Variants in CADPS observed in about 807,000 individuals in gnomAD.
CADPS encodes calcium dependent secretion activator, also known as calcium-dependent secretion activator 1.
A neutral mutation model predicts 167.3 loss-of-function variants in CADPS; 57 were observed. That is an observed-to-expected ratio of 0.34 (90% confidence interval 0.28 to 0.42). CADPS has a LOEUF of 0.42. Ranked by LOEUF, CADPS falls within the 20% of genes least tolerant of loss-of-function variation. CADPS has a pLI of 1.00. For synonymous variants in CADPS, 676 were observed against 635.3 expected, an observed-to-expected ratio of 1.06 and a Z score of -0.96; for missense variants, 1,414 against 1,738.1, an observed-to-expected ratio of 0.81 and a Z score of 3.32.
At chr3:62,488,136 C>T (rs1349561691) in intron 21 of CADPS, among the ~76,000 whole-genome samples, 1 of 152,126 alleles carries the variant, frequency 6.6e-6, no homozygotes, top group Non-Finnish European at 1.5e-5. Context: ...AATCTATTTA[C>T]CTAAGTTAGT....
chr3:62,511,316 C>T (rs148326295), intron 17 of CADPS, among the ~76,000 whole-genome samples: 115 of 152,234 alleles, frequency 7.6e-4, no homozygotes, highest in African/African-American at 1.9e-3. Flanking sequence ...TTTGCAGCTA[C>T]GTTGAATTAA....
intron 8 of CADPS, among the ~76,000 whole-genome samples, chr3:62,581,345 T>C (rs2083395017): frequency 6.6e-6 from 1 of 152,098 alleles, no homozygotes; most frequent in Non-Finnish European, 1.5e-5. Flanking sequence ...TAACTTATTT[T>C]TCTTCTATTA....
Position 62,835,665 on chromosome 3 carries a change from C to T in CADPS, c.441+38924G>A, listed in dbSNP as rs542495567. Among the ~76,000 whole-genome samples, 87 of 152,190 alleles carry T rather than the reference C, an allele frequency of 5.7e-4. 1 individual carries two copies. The South Asian group carries it at 0.011, about 19-fold the overall frequency. On this transcript the variant is annotated intron_variant, in intron 1 of 29. Coordinates refer to ENST00000383710, the MANE Select transcript of CADPS (RefSeq NM_003716.4). ...CTCAAAGAGGGGACGTGGCAAATCA[C>T]AGAAGGGGCAAAAATTGAGCTGCGT... is the stretch of plus-strand genomic sequence containing the variant.
At chr3:62,563,900 C>T (rs971351973) in intron 9 of CADPS, among the ~76,000 whole-genome samples, 5 of 152,054 alleles carry the variant, frequency 3.3e-5, no homozygotes, top group African/African-American at 7.2e-5. Context: ...AGTAGTATTC[C>T]ATCATATATA....
At chr3:62,672,120 A>G (rs2075637624) in intron 3 of CADPS, among the ~76,000 whole-genome samples, 2 of 152,124 alleles carry the variant, frequency 1.3e-5, no homozygotes, top group Admixed American at 6.5e-5. Context: ...ACGTGCAGCC[A>G]GGATTGAAAA....
chr3:62,838,468 C>T (rs1042237422), intron 1 of CADPS, among the ~76,000 whole-genome samples: 1 of 152,116 alleles, frequency 6.6e-6, no homozygotes, highest in African/African-American at 2.4e-5. Flanking sequence ...AGGATTCTTA[C>T]ACAGTTTTTA....
rs996710632 is a variant in CADPS at position 62,626,195 on chromosome 3, G to A, written c.1325+19527C>T. On this transcript the variant is annotated intron_variant, in intron 6 of 29. Coordinates refer to ENST00000383710, the MANE Select transcript of CADPS (RefSeq NM_003716.4). The stretch of plus-strand genomic sequence containing the variant: ...TGGTATCCCCATTAAGAATTAACAC[G>A]TTCACTTGACATTTCATTCCGGTCA... 2.9e-5 allele frequency: 6 copies of A among 206,668 alleles called. No homozygotes were observed. The South Asian group carries it at 4.4e-4, about 15-fold the overall frequency. The allele number at this position is 206,668 out of a possible 1,614,324, so 12.8% of individuals were successfully genotyped here.
intron 1 of CADPS, among the ~76,000 whole-genome samples, chr3:62,863,050 A>AT (rs1215679079): frequency 1.3e-5 from 2 of 152,252 alleles, no homozygotes; most frequent in African/African-American, 4.8e-5. Context: ...GTTATGAACC[A>AT]ACAATCATGA....
At chr3:62,621,875 A>G (rs1033935821) in intron 6 of CADPS, among the ~76,000 whole-genome samples, 1 of 148,602 alleles carries the variant, frequency 6.7e-6, no homozygotes, top group African/African-American at 2.5e-5. Flanking sequence ...TTTGCTGAAG[A>G]TAAAGGCAGT....
intron 13 of CADPS, 144 bp downstream of exon 13, chr3:62,532,722 TGTGTG>T: frequency 2.5e-5 from 2 of 79,174 alleles, no homozygotes; most frequent in Non-Finnish European, 2.3e-5. Context: ...GCCCTTTGTG[TGTGTG>T]TGTGTGTGTG....
At chr3:62,526,971 A>G (rs1373658315) in intron 13 of CADPS, among the ~76,000 whole-genome samples, 1 of 152,200 alleles carries the variant, frequency 6.6e-6, no homozygotes, top group African/African-American at 2.4e-5. Flanking sequence ...TGTATGATCT[A>G]AAGACCAAAT....
intron 18 of CADPS, among the ~76,000 whole-genome samples, chr3:62,496,934 C>G (rs2064902456): frequency 6.6e-6 from 1 of 152,088 alleles, no homozygotes; most frequent in South Asian, 2.1e-4. Context: ...GTACATTTAT[C>G]TAAAAGAAAA....
chr3:62,684,517 G>T (rs2077650417), intron 3 of CADPS, among the ~76,000 whole-genome samples: 1 of 152,116 alleles, frequency 6.6e-6, no homozygotes, highest in South Asian at 2.1e-4. Flanking sequence ...ACTGTTACTG[G>T]GGAAAGAAAG....
intron 3 of CADPS, among the ~76,000 whole-genome samples, chr3:62,736,921 G>A (rs1055250524): frequency 6.6e-6 from 1 of 151,894 alleles, no homozygotes; most frequent in Non-Finnish European, 1.5e-5. Flanking sequence ...GGTTAATTGC[G>A]AGGTTAGGAG....
At chr3:62,688,424 A>G (rs914499960) in intron 3 of CADPS, among the ~76,000 whole-genome samples, 7 of 152,064 alleles carry the variant, frequency 4.6e-5, no homozygotes, top group African/African-American at 1.5e-4. Flanking sequence ...GAAGTGGTCA[A>G]TAAGTAGGAG....
At chr3:62,756,607 C>G (rs1362012222) in intron 2 of CADPS, among the ~76,000 whole-genome samples, 2 of 152,166 alleles carry the variant, frequency 1.3e-5, no homozygotes, top group Non-Finnish European at 2.9e-5. Context: ...TGATTACGAT[C>G]TGGAACAAGT....
At chr3:62,693,006 GT>G (rs2079481855) in intron 3 of CADPS, among the ~76,000 whole-genome samples, 1 of 144,574 alleles carries the variant, frequency 6.9e-6, no homozygotes, top group Non-Finnish European at 1.5e-5. Flanking sequence ...TTCACTGGTT[GT>G]TTTTTCTTCA....
chr3:62,713,848 G>A (rs2083880099), intron 3 of CADPS, among the ~76,000 whole-genome samples: 1 of 152,282 alleles, frequency 6.6e-6, no homozygotes, highest in Admixed American at 6.5e-5. Flanking sequence ...TGTTGGAGCT[G>A]ATGTTTCTCA....
chr3:62,662,859 G>A (rs573483702), intron 3 of CADPS, among the ~76,000 whole-genome samples: 51 of 152,268 alleles, frequency 3.3e-4, no homozygotes, highest in African/African-American at 9.4e-4. Context: ...AAGTCATTGC[G>A]TTCCTTCTCT....
Sources: gnomAD v4.1 joint callset for allele counts (sites outside exome capture counted in the v4.1 genomes callset) on GRCh38, gnomAD v4.1.1 for gene constraint, MANE v1.5 for transcripts, NCBI Gene and HGNC (gene_info 2026-07-23, HGNC 2026-07-21) for gene names.